ZNF256: variants seen among roughly 807,000 people sequenced by gnomAD.
ZNF256 encodes the protein zinc finger protein 256.
Under a neutral mutation model 7.9 loss-of-function variants are expected in ZNF256, and 4 were observed. The ratio of observed to expected loss-of-function variants is 0.50; its 90% CI spans 0.25 to 1.15. ZNF256 has a LOEUF of 1.15. ZNF256 is among the 50% of genes most tolerant of loss of function. The pLI, the probability that ZNF256 is intolerant of heterozygous loss-of-function variation, is 0.15. For missense variants in ZNF256, 666 were observed against 755.9 expected, an observed-to-expected ratio of 0.88 and a Z score of 1.39; for synonymous variants, 260 against 260.4, an observed-to-expected ratio of 1.00 and a Z score of 0.02.
In ZNF256 at chr19:57,947,641, T is replaced by C; in HGVS notation, c.-167A>G. 1.7e-6 allele frequency: 1 copy of C among 598,868 alleles called. No individual in the cohort carries two copies. The highest frequency in any genetic ancestry group is 9.1e-5 in the South Asian group (1 of 11,012). The allele number at this position is 598,868 out of a possible 1,614,324, so 37.1% of individuals were successfully genotyped here. On this transcript the variant is annotated 5_prime_UTR_variant, in exon 1 of 3. Coordinates refer to ENST00000282308, the MANE Select transcript of ZNF256 (RefSeq NM_005773.3). ...GATGCTGACCCAGCGCTCCGGGGCT[T>C]TCTACCAAGTAATCAGTCCAGACAA...
chr19:57,942,122 T>C lies in ZNF256; in HGVS notation c.686A>G (p.His229Arg). Residue 229 changes from histidine to arginine, a missense_variant, in exon 3 of 3, where the codon CAC (histidine) becomes CGC (arginine). Transcript: ENST00000282308. ...TCTTTCCCTAATGAGGTCTCCCTGG[T>C]GCTGAACACGTACATGTTTGTAGCT... ...AFSYKHVRVQ[H>R]QGDLIRERSY... 1 of 1,614,258 alleles carries C rather than the reference T, an allele frequency of 6.2e-7. No homozygotes were observed. Among genetic ancestry groups the C allele is most frequent in the Non-Finnish European group, 8.5e-7 (1 of 1,180,050 alleles).
intron 2 of ZNF256, among the ~76,000 whole-genome samples, chr19:57,942,891 C>T (rs190269070): frequency 6.6e-6 from 1 of 152,188 alleles, no homozygotes; most frequent in Non-Finnish European, 1.5e-5. Context: ...GGAGAAGAGG[C>T]AGGATATACA....
In ZNF256 at chr19:57,941,582, C is replaced by T. The variant is rs770879910; in HGVS notation, c.1226G>A (p.Cys409Tyr). 44 of 1,614,076 alleles carry T rather than the reference C, an allele frequency of 2.7e-5. No individual in the cohort carries two copies. The highest frequency in any genetic ancestry group is 3.4e-5 in the Non-Finnish European group (40 of 1,180,046). Residue 409 changes from cysteine to tyrosine, a missense_variant, in exon 3 of 3, where the codon TGT becomes TAT. Transcript: ENST00000282308. ...RLHIGEGPYE[C>Y]SECGKLFTYR... is the part of the protein sequence containing the mutation. The stretch of plus-strand genomic sequence containing the variant: ...AGTAAACAATTTCCCACATTCACTA[C>T]ACTCATAAGGCCCTTCTCCAATGTG...
In ZNF256 at chr19:57,942,231, T is replaced by C; in HGVS notation, c.577A>G (p.Lys193Glu). Residue 193 changes from lysine (K) to glutamate (E), a missense_variant, in exon 3 of 3, where the codon AAG (lysine) becomes GAG (glutamate). Coordinates refer to ENST00000282308, the MANE Select transcript of ZNF256 (RefSeq NM_005773.3). ...FLQQQAAHTR[K>E]KSNRTKSAVA... is the part of the protein sequence containing the mutation. ...GCACTCTTGGTTCTGTTTGACTTCT[T>C]TCTGGTGTGAGCAGCCTGTTGCTGA... 6.2e-7 allele frequency: 1 copy of C among 1,614,260 alleles called. No homozygotes were observed. Among genetic ancestry groups the C allele is most frequent in the Non-Finnish European group, 8.5e-7 (1 of 1,180,040 alleles).
chr19:57,941,960 A>G lies in ZNF256; in HGVS notation c.848T>C (p.Ile283Thr), dbSNP rs775360799. The G allele has an allele frequency of 8.1e-6, 13 of 1,614,192 alleles. No homozygotes were observed. In the East Asian group the frequency reaches 1.1e-4, roughly 14 times the overall value. ...TCCAGTGTGAATTCTTCGGTGCGTA[A>G]TAAGGCTAGAGCTTTGCCTATAGGA... ...GKSYRQSSSL[I>T]THRRIHTGVR... The change falls in exon 3 of 3, where the codon ATT becomes ACT. Residue 283 changes from isoleucine to threonine, a missense_variant. Coordinates refer to ENST00000282308, the MANE Select transcript of ZNF256 (RefSeq NM_005773.3).
intron 2 of ZNF256, 43 bp downstream of exon 2, chr19:57,943,891 C>A: frequency 6.2e-7 from 1 of 1,605,202 alleles, no homozygotes; most frequent in African/African-American, 1.3e-5. Context: ...AGGGTAAGAG[C>A]AAAGGCTAGC....
intron 1 of ZNF256, among the ~76,000 whole-genome samples, chr19:57,944,317 T>C (rs1014582545): frequency 6.6e-6 from 1 of 152,214 alleles, no homozygotes; most frequent in African/African-American, 2.4e-5. Context: ...CAACCACTCC[T>C]TCCTGACAAG....
intron 1 of ZNF256, among the ~76,000 whole-genome samples, 194 bp downstream of exon 1, chr19:57,947,248 C>T (rs988176156): frequency 7.2e-5 from 11 of 152,238 alleles, no homozygotes; most frequent in African/African-American, 2.7e-4. Flanking sequence ...CCCCAGGGCT[C>T]AGTGGCGCCT....
At position 57,942,368 on chromosome 19, in the gene ZNF256, C is replaced by G. The variant is rs2072736403; in HGVS notation, c.440G>C (p.Arg147Thr). The change falls in exon 3 of 3, where the codon AGA (arginine) becomes ACA (threonine). Residue 147 changes from arginine (R) to threonine (T), a missense_variant. Arg to Thr is a moderately conservative substitution (Grantham distance 71). Transcript: ENST00000282308. ...QKQHVGQKHFRSNGGRDMFLS... is the reference protein window; with the variant it reads ...QKQHVGQKHFTSNGGRDMFLS... ...AAACATGTCTCTGCCCCCATTGCTT[C>G]TGAAGTGTTTCTGTCCAACATGCTG... The G allele has an allele frequency of 6.2e-7, 1 of 1,614,094 alleles. No homozygotes were observed. Among genetic ancestry groups the G allele is most frequent in the Admixed American group, 1.7e-5 (1 of 60,000 alleles).
chr19:57,945,908 C>G (rs1172295966), intron 1 of ZNF256, among the ~76,000 whole-genome samples: 1 of 152,158 alleles, frequency 6.6e-6, no homozygotes, highest in Non-Finnish European at 1.5e-5. Context: ...CACAAATGAC[C>G]ACATGACACT....
rs759363050 is a variant in ZNF256, at chr19:57,941,742, A to G, written c.1066T>C (p.Cys356Arg). The change falls in exon 3 of 3, where the codon TGT becomes CGT. Residue 356 changes from cysteine (C) to arginine (R), a missense_variant. Cys to Arg is a radical substitution (Grantham distance 180). Transcript: ENST00000282308. The part of the protein sequence containing the change: ...TGMRPYECSE[C>R]GKSFIHSSSL... ...GAACTATGGATAAAAGATTTCCCACATTCACTGCACTCATAAGGCCTCATT... is the reference window on the plus strand; with the variant it reads ...GAACTATGGATAAAAGATTTCCCACGTTCACTGCACTCATAAGGCCTCATT... The G allele has an allele frequency of 5.6e-6, 9 of 1,614,046 alleles. No individual in the cohort carries two copies. The highest frequency in any genetic ancestry group is 6.8e-6 in the Non-Finnish European group (8 of 1,180,004).
Position 57,941,876 on chromosome 19 carries a change from A to C in ZNF256, c.932T>G (p.Leu311Arg), listed in dbSNP as rs138289125. The change falls in exon 3 of 3, where the codon CTT becomes CGT. Residue 311 changes from leucine to arginine, a missense_variant. Coordinates refer to ENST00000282308, the MANE Select transcript of ZNF256 (RefSeq NM_005773.3). ...TCCAGTATGAACTCTCTGATGTATAAGAAGGTCATACTTCCTGTTAAATAA... is the reference window on the plus strand; with the variant it reads ...TCCAGTATGAACTCTCTGATGTATACGAAGGTCATACTTCCTGTTAAATAA... ...GKLFNRKYDL[L>R]IHQRVHTGER... 13 of 1,614,176 alleles carry C rather than the reference A, an allele frequency of 8.1e-6. No homozygotes were observed. The highest frequency in any genetic ancestry group is 1.0e-5 in the Non-Finnish European group (12 of 1,180,028).
intron 1 of ZNF256, among the ~76,000 whole-genome samples, chr19:57,946,106 T>C (rs2072764711): frequency 6.6e-6 from 1 of 152,188 alleles, no homozygotes; most frequent in Admixed American, 6.5e-5. Flanking sequence ...TTTACATACC[T>C]TGCCTTCATG....
Position 57,947,662 on chromosome 19 carries a change from G to C in ZNF256, c.-188C>G. ...GGCTTTCTACCAAGTAATCAGTCCA[G>C]ACAAATGCCAAAACGACCGCCACAA... On this transcript the variant is annotated 5_prime_UTR_variant, in exon 1 of 3. Coordinates refer to ENST00000282308, the MANE Select transcript of ZNF256 (RefSeq NM_005773.3). 4.2e-5 allele frequency: 21 copies of C among 494,362 alleles called. No homozygotes were observed. The highest frequency in any genetic ancestry group is 4.4e-5 in the Admixed American group (1 of 22,630). 30.6% of individuals were successfully genotyped at this position (494,362 alleles called of 1,614,324 possible).
At position 57,941,612 on chromosome 19, in the gene ZNF256, C is replaced by A. The variant is rs1250856839; in HGVS notation, c.1196G>T (p.Arg399Ile). 4 of 1,613,978 alleles carry A rather than the reference C, an allele frequency of 2.5e-6. No individual in the cohort carries two copies. The highest frequency in any genetic ancestry group is 3.4e-6 in the Non-Finnish European group (4 of 1,180,040). ...SQSCHLIKHR[R>I]LHIGEGPYEC... is the part of the protein sequence containing the mutation. The stretch of plus-strand genomic sequence containing the variant: ...ATAAGGCCCTTCTCCAATGTGAAGT[C>A]TCCGGTGTTTAATGAGGTGACAGCT... Residue 399 changes from arginine to isoleucine, a missense_variant, in exon 3 of 3, where the codon AGA becomes ATA. Physicochemically the swap from Arg to Ile is moderately conservative, Grantham distance 97 (BLOSUM62 -3). Transcript: ENST00000282308.
intron 1 of ZNF256, among the ~76,000 whole-genome samples, chr19:57,946,383 T>C (rs2072766447): frequency 1.3e-5 from 2 of 152,104 alleles, no homozygotes; most frequent in African/African-American, 4.8e-5. Flanking sequence ...TAGTGAATAT[T>C]ACTCCTATTG....
At position 57,940,976 on chromosome 19, in the gene ZNF256, A is replaced by C. The variant is rs1433417643; in HGVS notation, c.1832T>G (p.Phe611Cys). 2 of 1,614,090 alleles carry C rather than the reference A, an allele frequency of 1.2e-6. No individual in the cohort carries two copies. The highest frequency in any genetic ancestry group is 1.1e-5 in the South Asian group (1 of 91,086). ...RPYECSDCGK[F>C]FTFNSNLLKH... ...TAGGAGGTTGGAGTTGAAGGTAAAA[A>C]ATTTTCCACAGTCACTACACTCATA... The change falls in exon 3 of 3, where the codon TTT (phenylalanine) becomes TGT (cysteine). Residue 611 changes from phenylalanine to cysteine, a missense_variant. Phe to Cys is a radical substitution (Grantham distance 205, BLOSUM62 -2). Coordinates refer to ENST00000282308, the MANE Select transcript of ZNF256 (RefSeq NM_005773.3).
intron 1 of ZNF256, 71 bp downstream of exon 1, chr19:57,947,371 A>G (rs1395873223): frequency 1.6e-6 from 2 of 1,229,474 alleles, no homozygotes; most frequent in East Asian, 3.2e-5. Flanking sequence ...CAGGGCCGCG[A>G]GCAAGCGCCC....
At chr19:57,944,171 T>G in intron 1 of ZNF256, 111 bp from the exon 2 acceptor site, 1 of 1,509,888 alleles carries the variant, frequency 6.6e-7, no homozygotes, top group Admixed American at 2.1e-5. Flanking sequence ...CTCTCCAAGC[T>G]CCCCAGCTCA....
Sources: gnomAD v4.1 joint callset for allele counts (sites outside exome capture counted in the v4.1 genomes callset) on GRCh38, gnomAD v4.1.1 for gene constraint, MANE v1.5 for transcripts, NCBI Gene and HGNC (gene_info 2026-07-23, HGNC 2026-07-21) for gene names.